Variants in SUPT3H observed in about 807,000 individuals in gnomAD.
SUPT3H encodes transcription initiation protein SPT3 homolog.
SUPT3H carries 44 observed loss-of-function variants against 44.3 expected under a neutral mutation model. The observed-to-expected ratio is 0.99, with a 90% confidence interval of 0.78 to 1.28. The LOEUF is 1.28. SUPT3H is among the 50% of genes most tolerant of loss of function. The probability of loss-of-function intolerance (pLI) is 0.00; values close to 1 mark genes in which losing one functional copy is unlikely to be tolerated. For missense variants in SUPT3H, 380 were observed against 387.1 expected (o/e 0.98, Z 0.15); for synonymous variants, 124 against 125.6 (o/e 0.99, Z 0.09).
intron 6 of SUPT3H, among the ~76,000 whole-genome samples, chr6:44,974,410 G>C (rs1245254217): frequency 6.6e-6 from 1 of 152,024 alleles, no homozygotes; most frequent in Non-Finnish European, 1.5e-5. Context: ...ATAGAGGTGA[G>C]GGAAGAAGAC....
chr6:45,178,822 A>G (rs946836591), intron 2 of SUPT3H, among the ~76,000 whole-genome samples: 1 of 152,162 alleles, frequency 6.6e-6, no homozygotes, highest in Non-Finnish European at 1.5e-5. Flanking sequence ...ACTACTGGGT[A>G]CATAACGAAA....
intron 3 of SUPT3H, among the ~76,000 whole-genome samples, chr6:45,043,287 T>C (rs1788876009): frequency 1.3e-5 from 2 of 152,100 alleles, no homozygotes; most frequent in Non-Finnish European, 2.9e-5. Flanking sequence ...AAATGACAAA[T>C]GCACACAAAT....
At chr6:45,002,898 T>C (rs537316963) in intron 6 of SUPT3H, among the ~76,000 whole-genome samples, 37 of 152,132 alleles carry the variant, frequency 2.4e-4, no homozygotes, top group South Asian at 8.3e-4. Flanking sequence ...AATTCTGAAA[T>C]TACCTCCATT....
chr6:45,183,459 A>G (rs756756611), intron 2 of SUPT3H, among the ~76,000 whole-genome samples: 2 of 152,234 alleles, frequency 1.3e-5, no homozygotes, highest in Non-Finnish European at 2.9e-5. Flanking sequence ...TACTCATAGC[A>G]GAAGGTAAAG....
chr6:44,889,361 A>C (rs1285823412), intron 10 of SUPT3H, among the ~76,000 whole-genome samples: 2 of 152,236 alleles, frequency 1.3e-5, no homozygotes, highest in Non-Finnish European at 2.9e-5. Context: ...ACCTGACTTC[A>C]AACTATACTA....
chr6:45,176,161 T>C (rs1004637083), intron 2 of SUPT3H, among the ~76,000 whole-genome samples: 2 of 151,682 alleles, frequency 1.3e-5, no homozygotes, highest in African/African-American at 2.4e-5. Flanking sequence ...CCATCTGAGG[T>C]ACTGGGTTCA....
chr6:45,240,453 T>C (rs953667489), intron 2 of SUPT3H, among the ~76,000 whole-genome samples: 3 of 152,214 alleles, frequency 2.0e-5, no homozygotes, highest in African/African-American at 7.2e-5. Flanking sequence ...CATATACACA[T>C]GCTTTCTGGT....
chr6:45,206,973 A>G (rs1276925259), intron 2 of SUPT3H, among the ~76,000 whole-genome samples: 1 of 152,206 alleles, frequency 6.6e-6, no homozygotes, highest in Admixed American at 6.5e-5. Context: ...TATGTGGAGT[A>G]GTCAGAAACA....
In SUPT3H at chr6:44,954,495, C is replaced by T. The variant is rs779214287; in HGVS notation, c.693G>A (p.Gln231=). The T allele has an allele frequency of 2.0e-5, 32 of 1,610,092 alleles. No individual in the cohort carries two copies. The highest frequency in any genetic ancestry group is 2.6e-5 in the Non-Finnish European group (30 of 1,176,328). ...LAYLAYETVA[Q]LVDLALLVRQ... is the part of the protein sequence containing the mutation. ...CGATATGACAGATTAGAATTCTTAC[C>T]TGTGCCACAGTTTCATACGCTAAAT... The change falls in exon 8 of 11, where the codon CAG becomes CAA. Residue 231 remains glutamine, a splice_region_variant and synonymous_variant. Transcript: ENST00000371459.
At chr6:45,197,687 GAGT>G in intron 2 of SUPT3H, 1 of 318,824 alleles carries the variant, frequency 3.1e-6, no homozygotes, top group South Asian at 2.6e-5. Context: ...AGAAGATAAA[GAGT>G]GAAAAACCAT....
intron 10 of SUPT3H, among the ~76,000 whole-genome samples, chr6:44,868,606 A>G (rs1216912924): frequency 6.6e-6 from 1 of 152,012 alleles, no homozygotes; most frequent in Non-Finnish European, 1.5e-5. Context: ...CATTCCCTCT[A>G]AGACTCTGCT....
At chr6:45,282,368 A>G (rs1778294224) in intron 2 of SUPT3H, among the ~76,000 whole-genome samples, 2 of 152,316 alleles carry the variant, frequency 1.3e-5, no homozygotes, top group Middle Eastern at 3.4e-3. Context: ...TAACTAGAAT[A>G]ACCAATGCAG....
At position 44,829,667 on chromosome 6, in the gene SUPT3H, A is replaced by C; in HGVS notation, c.*149T>G. On this transcript the variant is annotated 3_prime_UTR_variant, in exon 11 of 11. Transcript: ENST00000371459. ...ACCGATGGTTGAGGGGCTGGAAAAG[A>C]GGAGGAGTCAGCAAGTTGAAAGTCA... The C allele has an allele frequency of 5.1e-6, 4 of 785,184 alleles. No homozygotes were observed. The highest frequency in any genetic ancestry group is 8.4e-6 in the Non-Finnish European group (4 of 476,474). The allele number at this position is 785,184 out of a possible 1,614,324, so 48.6% of individuals were successfully genotyped here. A position where few individuals can be genotyped will look rare whatever the true frequency, so the allele number is the denominator to read the frequency against.
intron 2 of SUPT3H, among the ~76,000 whole-genome samples, chr6:45,284,137 A>G (rs1374954413): frequency 6.6e-6 from 1 of 152,230 alleles, no homozygotes; most frequent in Non-Finnish European, 1.5e-5. Context: ...CACAAGAGAA[A>G]GCAGGAAAGA....
intron 2 of SUPT3H, among the ~76,000 whole-genome samples, chr6:45,107,924 T>C (rs1305698014): frequency 6.6e-6 from 1 of 151,962 alleles, no homozygotes; most frequent in East Asian, 1.9e-4. Flanking sequence ...ACAACAAAAA[T>C]CTTACCAAAT....
intron 2 of SUPT3H, among the ~76,000 whole-genome samples, chr6:45,232,368 C>T (rs959353695): frequency 6.6e-6 from 1 of 152,166 alleles, no homozygotes; most frequent in Non-Finnish European, 1.5e-5. Flanking sequence ...TTATGGTTAT[C>T]AGTAGATCCT....
chr6:45,093,542 T>C (rs2153564390), intron 3 of SUPT3H, among the ~76,000 whole-genome samples: 1 of 152,192 alleles, frequency 6.6e-6, no homozygotes, highest in East Asian at 1.9e-4. Flanking sequence ...TTAAACAATC[T>C]CTTAGTTCAG....
chr6:45,186,784 A>T (rs140008205), intron 2 of SUPT3H, among the ~76,000 whole-genome samples: 78 of 152,292 alleles, frequency 5.1e-4, no homozygotes, highest in African/African-American at 1.9e-3. Flanking sequence ...AAGTCATAAG[A>T]TCCTCATTTG....
At chr6:44,973,595 A>C (rs1777900962) in intron 6 of SUPT3H, among the ~76,000 whole-genome samples, 1 of 152,296 alleles carries the variant, frequency 6.6e-6, no homozygotes, top group African/African-American at 2.4e-5. Context: ...TTCCAAAGTC[A>C]CTTCCACATT....
Sources: gnomAD v4.1 joint callset for allele counts (sites outside exome capture counted in the v4.1 genomes callset) on GRCh38, gnomAD v4.1.1 for gene constraint, MANE v1.5 for transcripts, NCBI Gene and HGNC (gene_info 2026-07-23, HGNC 2026-07-21) for gene names.